WWOX: variants seen among roughly 807,000 people sequenced by gnomAD.
WWOX encodes the protein WW domain-containing oxidoreductase.
Under a neutral mutation model 46.2 loss-of-function variants are expected in WWOX, and 69 were observed. The ratio of observed to expected loss-of-function variants is 1.49; its 90% CI spans 1.23 to 1.82. The LOEUF (loss-of-function observed/expected upper bound fraction) is 1.82, where lower values mean the gene tolerates loss of function less well. Ranked by LOEUF, WWOX falls within the 40% of genes most tolerant of loss-of-function variation. The probability of loss-of-function intolerance (pLI) is 0.00; values close to 1 mark genes in which losing one functional copy is unlikely to be tolerated. For missense variants in WWOX, 919 were observed against 542.6 expected (o/e 1.69, Z -6.89); for synonymous variants, 359 against 202.6 (o/e 1.77, Z -6.56).
chr16:78,656,337 T>G (rs1240835252), intron 8 of WWOX, among the ~76,000 whole-genome samples: 1 of 152,126 alleles, frequency 6.6e-6, no homozygotes, highest in Non-Finnish European at 1.5e-5. Flanking sequence ...GTGCCTGTAT[T>G]AGTCTGTTCT....
At chr16:78,798,564 C>G (rs926005533) in intron 8 of WWOX, among the ~76,000 whole-genome samples, 2 of 149,410 alleles carry the variant, frequency 1.3e-5, no homozygotes, top group African/African-American at 2.5e-5. Flanking sequence ...ATATATTCCT[C>G]CCTCCCCCCA....
intron 8 of WWOX, among the ~76,000 whole-genome samples, chr16:78,529,270 T>G (rs1354718195): frequency 2.0e-5 from 3 of 152,130 alleles, no homozygotes; most frequent in Non-Finnish European, 4.4e-5. Context: ...CTTTCTATTA[T>G]ATAGATTTTA....
intron 8 of WWOX, among the ~76,000 whole-genome samples, chr16:78,495,211 G>T (rs1285916018): frequency 7.4e-6 from 1 of 135,910 alleles, no homozygotes. Flanking sequence ...CATGATCTCG[G>T]CTCACTGCAA....
intron 8 of WWOX, among the ~76,000 whole-genome samples, chr16:78,751,079 T>C (rs533769184): frequency 6.6e-6 from 1 of 152,242 alleles, no homozygotes; most frequent in South Asian, 2.1e-4. Flanking sequence ...TTATTTTTCA[T>C]AGGGACAAGG....
chr16:78,386,989 C>T (rs376839907), intron 6 of WWOX, 41 bp downstream of exon 6: 3 of 1,572,338 alleles, frequency 1.9e-6, no homozygotes, highest in East Asian at 2.2e-5. Context: ...TAATTTCTTG[C>T]TATTGTAATA....
chr16:78,641,267 G>T (rs905024632), intron 8 of WWOX, among the ~76,000 whole-genome samples: 1 of 151,846 alleles, frequency 6.6e-6, no homozygotes. Flanking sequence ...AGGCAGAGAA[G>T]CCCCCAGACC....
At chr16:78,802,092 C>G (rs1320445066) in intron 8 of WWOX, among the ~76,000 whole-genome samples, 1 of 151,416 alleles carries the variant, frequency 6.6e-6, no homozygotes, top group East Asian at 2.0e-4. Flanking sequence ...GTGAAAGTGA[C>G]AAGGAATGTG....
intron 8 of WWOX, among the ~76,000 whole-genome samples, chr16:78,655,081 C>G (rs942401267): frequency 3.9e-5 from 6 of 152,096 alleles, no homozygotes; most frequent in African/African-American, 1.4e-4. Flanking sequence ...CTCACCTGGC[C>G]TGCATCCTGG....
intron 6 of WWOX, among the ~76,000 whole-genome samples, chr16:78,409,567 C>T (rs539985645): frequency 1.6e-4 from 24 of 152,302 alleles, no homozygotes; most frequent in Admixed American, 4.6e-4. Context: ...CTTAAAACAG[C>T]AAACATACAC....
At chr16:78,597,791 C>T (rs995156509) in intron 8 of WWOX, among the ~76,000 whole-genome samples, 5 of 149,512 alleles carry the variant, frequency 3.3e-5, no homozygotes, top group Admixed American at 6.7e-5. Flanking sequence ...AAATATATTT[C>T]CATGAATATA....
chr16:78,423,043 G>A lies in WWOX; in HGVS notation c.606-1827G>A, dbSNP rs536151005. Among the ~76,000 whole-genome samples the A allele has an allele frequency of 5.3e-5, 8 of 151,736 alleles. No individual in the cohort carries two copies. In the South Asian group the frequency reaches 6.3e-4, roughly 12 times the overall value. Reference sequence around the variant, plus strand: ...TGGGATTACAGGCGTGTGCCACCACGCTGGGCTAACTTTTGTATTTTTAGT... The same window carrying A: ...TGGGATTACAGGCGTGTGCCACCACACTGGGCTAACTTTTGTATTTTTAGT... On this transcript the variant is annotated intron_variant, in intron 6 of 8. Coordinates refer to ENST00000566780, the MANE Select transcript of WWOX (RefSeq NM_016373.4).
Position 78,512,680 on chromosome 16 carries a change from G to C in WWOX, c.1056+79928G>C, listed in dbSNP as rs533005688. Among the ~76,000 whole-genome samples, 3 of 152,246 alleles carry C rather than the reference G, an allele frequency of 2.0e-5. No individual in the cohort carries two copies. The East Asian group carries it at 5.8e-4, about 29-fold the overall frequency. ...GACTTCAATGAGACTCATTTCGCAG[G>C]TTTTCATGTTATTATGTATATGTGG... On this transcript the variant is annotated intron_variant, in intron 8 of 8. Coordinates refer to ENST00000566780, the MANE Select transcript of WWOX (RefSeq NM_016373.4).
intron 8 of WWOX, among the ~76,000 whole-genome samples, chr16:78,711,014 C>G (rs1463493367): frequency 6.6e-6 from 1 of 152,170 alleles, no homozygotes; most frequent in Non-Finnish European, 1.5e-5. Context: ...ACATGTTTGT[C>G]AAGGCCAGAT....
At position 78,338,753 on chromosome 16, in the gene WWOX, TTC is replaced by T. The variant is rs1405277374; in HGVS notation, c.517-48103_517-48102del. Among the ~76,000 whole-genome samples the T allele has an allele frequency of 2.5e-5, 3 of 121,856 alleles. 1 individual carries two copies. The South Asian group carries it at 7.3e-4, about 30-fold the overall frequency. The allele number at this position is 121,856 out of a possible 152,430, so 79.9% of individuals were successfully genotyped here. A position where few individuals can be genotyped will look rare whatever the true frequency, so the allele number is the denominator to read the frequency against. On this transcript the variant is annotated intron_variant, in intron 5 of 8. Transcript: ENST00000566780. ...TTACAAGTTACCGCCTTTTTATTTC[TTC>T]TCTTTTTCTGTTTTCTTCTTCCATT...
chr16:78,773,483 G>T (rs1368771484), intron 8 of WWOX, among the ~76,000 whole-genome samples: 1 of 152,196 alleles, frequency 6.6e-6, no homozygotes, highest in African/African-American at 2.4e-5. Flanking sequence ...GGGCAGCAGG[G>T]TACTTTGTCC....
At chr16:78,705,989 T>C (rs2048320000) in intron 8 of WWOX, among the ~76,000 whole-genome samples, 1 of 151,184 alleles carries the variant, frequency 6.6e-6, no homozygotes, top group African/African-American at 2.4e-5. Flanking sequence ...GTGACTCAGA[T>C]AGGTGTGTAT....
At chr16:78,705,045 G>A (rs74029904) in intron 8 of WWOX, among the ~76,000 whole-genome samples, 2,076 of 152,016 alleles carry the variant, frequency 0.014, 54 homozygotes, top group African/African-American at 0.048. Context: ...CAAGGACCAT[G>A]ACTTTTGCAT....
chr16:79,096,018 T>TTTTTG (rs753100702), intron 8 of WWOX, among the ~76,000 whole-genome samples: 9,255 of 127,382 alleles, frequency 0.073, 396 homozygotes, highest in Non-Finnish European at 0.09. Flanking sequence ...CCCGGATAAT[T>TTTTTG]TTTTTTTTTT....
chr16:78,997,146 C>G (rs8060781), intron 8 of WWOX, among the ~76,000 whole-genome samples: 150,902 of 151,734 alleles, frequency 0.99, 75,038 homozygotes, highest in Non-Finnish European at 1. Context: ...GTGTGTGTGC[C>G]TGGTGAGGGG....
Sources: allele counts gnomAD v4.1 joint callset (sites outside exome capture counted in the v4.1 genomes callset), GRCh38; gene constraint gnomAD v4.1.1; transcripts MANE v1.5; gene names NCBI Gene and HGNC (gene_info 2026-07-23, HGNC 2026-07-21).